FRMD4B: variants seen among roughly 807,000 people sequenced by gnomAD.
FRMD4B encodes the protein FERM domain-containing protein 4B.
A neutral mutation model predicts 141.5 loss-of-function variants in FRMD4B; 74 were observed. That is an observed-to-expected ratio of 0.52 (90% confidence interval 0.43 to 0.63). FRMD4B has a LOEUF of 0.63. Ranked by LOEUF, FRMD4B falls within the 30% of genes least tolerant of loss-of-function variation. The pLI, the probability that FRMD4B is intolerant of heterozygous loss-of-function variation, is 0.00. For missense variants in FRMD4B, 1,366 were observed against 1,253.4 expected (o/e 1.09, Z -1.36); for synonymous variants, 506 against 467.9 (o/e 1.08, Z -1.05).
intron 1 of FRMD4B, among the ~76,000 whole-genome samples, chr3:69,318,209 A>G (rs1701869841): frequency 6.6e-6 from 1 of 152,122 alleles, no homozygotes; most frequent in Admixed American, 6.6e-5. Context: ...TCCTGGGCTC[A>G]AGCAACCTGC....
chr3:69,310,410 C>T (rs1375482379), intron 3 of FRMD4B: 1 of 455,472 alleles, frequency 2.2e-6, no homozygotes, highest in Non-Finnish European at 4.4e-6. Flanking sequence ...GTCTGGAACA[C>T]ATCTTCTTGC....
At chr3:69,280,470 G>T (rs950255501) in intron 5 of FRMD4B, among the ~76,000 whole-genome samples, 1 of 152,058 alleles carries the variant, frequency 6.6e-6, no homozygotes, top group African/African-American at 2.4e-5. Flanking sequence ...CCCGAGTCCA[G>T]CCCATAAAAG....
rs529926946 is a variant in FRMD4B at position 69,192,162 on chromosome 3, T to C, written c.1714+1486A>G. ...AGTTTGGGAGGCTGAGGTGGGAGGA[T>C]TGCTTGAGCTCAGGAGTTTGAGACC... On this transcript the variant is annotated intron_variant, in intron 17 of 22. Transcript: ENST00000398540. Among the ~76,000 whole-genome samples the C allele has an allele frequency of 5.9e-5, 9 of 152,134 alleles. 1 individual carries two copies. The South Asian group carries it at 1.9e-3, about 32-fold the overall frequency.
At chr3:69,353,428 C>T (rs1181775433) in intron 1 of FRMD4B, 1 of 215,828 alleles carries the variant, frequency 4.6e-6, no homozygotes, top group Non-Finnish European at 7.9e-6. Flanking sequence ...GATTAGTCCA[C>T]CCCCAGTACA....
chr3:69,201,911 C>T (rs1189687750), intron 11 of FRMD4B, among the ~76,000 whole-genome samples: 3 of 152,012 alleles, frequency 2.0e-5, no homozygotes, highest in Non-Finnish European at 2.9e-5. Context: ...AGGGGCTGGG[C>T]GTGGTGGGTT....
chr3:69,272,509 G>T (rs2093599028), intron 5 of FRMD4B, among the ~76,000 whole-genome samples: 1 of 152,140 alleles, frequency 6.6e-6, no homozygotes, highest in Non-Finnish European at 1.5e-5. Flanking sequence ...TTCGATTTCT[G>T]TTACTAATCC....
intron 1 of FRMD4B, among the ~76,000 whole-genome samples, chr3:69,362,569 C>G (rs1049401822): frequency 2.6e-5 from 4 of 152,074 alleles, no homozygotes; most frequent in Non-Finnish European, 5.9e-5. Context: ...TCCAGCTACT[C>G]AGGAAGCTGA....
chr3:69,417,418 TAAG>T, intron 2 of FRMD4B, among the ~76,000 whole-genome samples: 1 of 152,346 alleles, frequency 6.6e-6, no homozygotes, highest in East Asian at 1.9e-4. Flanking sequence ...CTTGTAAATT[TAAG>T]TTCTTTGTAG....
At chr3:69,453,860 A>T (rs1054145343) in intron 1 of FRMD4B, among the ~76,000 whole-genome samples, 1 of 152,188 alleles carries the variant, frequency 6.6e-6, no homozygotes, top group Admixed American at 6.5e-5. Flanking sequence ...TGGATAAAGG[A>T]TGAGTGAGAA....
intron 2 of FRMD4B, among the ~76,000 whole-genome samples, chr3:69,420,360 T>C (rs1183557400): frequency 6.6e-6 from 1 of 151,066 alleles, no homozygotes; most frequent in Non-Finnish European, 1.5e-5. Flanking sequence ...ATGTCTCAGG[T>C]GCCATGGTTT....
Position 69,514,199 on chromosome 3 carries a change from A to G in FRMD4B, c.-129+28007T>C, listed in dbSNP as rs191781070. Among the ~76,000 whole-genome samples the G allele has an allele frequency of 4.4e-4, 67 of 152,374 alleles. 2 individuals carry two copies. Among genetic ancestry groups the G allele is most frequent in the African/African-American group, 1.3e-3 (55 of 41,604 alleles). ...TCTGTTAGAATTAATGAACAACTTCAGCAAGATTGCAGGATACAAAATCGA... is the reference window on the plus strand; with the variant it reads ...TCTGTTAGAATTAATGAACAACTTCGGCAAGATTGCAGGATACAAAATCGA... On this transcript the variant is annotated intron_variant, in intron 1 of 5. Transcript: ENST00000459638.
intron 1 of FRMD4B, among the ~76,000 whole-genome samples, chr3:69,499,756 C>G (rs1395562449): frequency 6.6e-6 from 1 of 152,176 alleles, no homozygotes; most frequent in Non-Finnish European, 1.5e-5. Flanking sequence ...CTCATCTGCT[C>G]CAAGCCTTCT....
chr3:69,171,703 G>A lies in FRMD4B; in HGVS notation c.*158C>T, dbSNP rs1406184435. Reference sequence around the variant, plus strand: ...CTTTAGGGGCTTTGTGGGGCTTGGTGTGTGATTCACTGATTCACTTCCAGG... The same window carrying A: ...CTTTAGGGGCTTTGTGGGGCTTGGTATGTGATTCACTGATTCACTTCCAGG... On this transcript the variant is annotated 3_prime_UTR_variant, in exon 23 of 23. Coordinates refer to ENST00000398540, the MANE Select transcript of FRMD4B (RefSeq NM_015123.3). The A allele has an allele frequency of 8.7e-6, 6 of 690,784 alleles. No homozygotes were observed. Among genetic ancestry groups the A allele is most frequent in the Non-Finnish European group, 1.5e-5 (6 of 404,170 alleles). The allele number at this position is 690,784 out of a possible 1,614,324, so 42.8% of individuals were successfully genotyped here.
intron 2 of FRMD4B, among the ~76,000 whole-genome samples, chr3:69,430,278 C>A (rs1705157653): frequency 1.3e-5 from 2 of 152,180 alleles, no homozygotes; most frequent in South Asian, 4.1e-4. Context: ...TCCCCACAAT[C>A]CAGCACCTCA....
intron 5 of FRMD4B, among the ~76,000 whole-genome samples, chr3:69,277,410 GA>G (rs2093622691): frequency 6.6e-6 from 1 of 151,584 alleles, no homozygotes; most frequent in Non-Finnish European, 1.5e-5. Context: ...CGTGGGGCCA[GA>G]TCTAATATAG....
chr3:69,397,620 C>A (rs962718277), intron 2 of FRMD4B, among the ~76,000 whole-genome samples: 9 of 152,026 alleles, frequency 5.9e-5, no homozygotes, highest in Admixed American at 5.9e-4. Flanking sequence ...CATAAAGGAC[C>A]ACATATAATA....
At chr3:69,388,390 C>T (rs577560574), upstream of FRMD4B, among the ~76,000 whole-genome samples, 1 of 152,210 alleles carries the variant, frequency 6.6e-6, no homozygotes, top group South Asian at 2.1e-4. Context: ...TTTAGCATCA[C>T]CTGGGAATTT....
At chr3:69,397,695 G>A (rs892700661) in intron 2 of FRMD4B, among the ~76,000 whole-genome samples, 2 of 152,132 alleles carry the variant, frequency 1.3e-5, no homozygotes, top group Non-Finnish European at 2.9e-5. Context: ...TAGATTAGTA[G>A]TTGCCTAGGG....
chr3:69,249,350 G>A, intron 6 of FRMD4B, 102 bp from the exon 7 acceptor site: 1 of 750,000 alleles, frequency 1.3e-6, no homozygotes, highest in Non-Finnish European at 2.2e-6. Context: ...CCTGAGTTTT[G>A]TTTTGAAGAG....
Sources: allele counts gnomAD v4.1 joint callset (sites outside exome capture counted in the v4.1 genomes callset), GRCh38; gene constraint gnomAD v4.1.1; transcripts MANE v1.5; gene names NCBI Gene and HGNC (gene_info 2026-07-23, HGNC 2026-07-21).